LRRC37A: variants seen among roughly 807,000 people sequenced by gnomAD.
LRRC37A encodes leucine rich repeat containing 37A.
Under a neutral mutation model 35.4 loss-of-function variants are expected in LRRC37A, and 3 were observed. The observed-to-expected ratio is 0.08, with a 90% CI of 0.04 to 0.22. The LOEUF is 0.22. Among genes scored for constraint, LRRC37A ranks in the 10% least tolerant of loss-of-function variants. The pLI is 1.00. For synonymous variants in LRRC37A, 23 were observed against 215.0 expected (o/e 0.11, Z 7.81); for missense variants, 67 against 565.3 (o/e 0.12, Z 8.94).
chr17:46,321,357 G>GAAAAAA (rs763727306), intron 5 of LRRC37A, among the ~76,000 whole-genome samples: 1 of 31,356 alleles, frequency 3.2e-5, no homozygotes, highest in Non-Finnish European at 4.3e-5. Context: ...CTCCGTCTCA[G>GAAAAAA]AAAAAAAAAA....
chr17:46,280,411 C>A, the LRRC37A span, among the ~76,000 whole-genome samples: 1 of 152,002 alleles, frequency 6.6e-6, no homozygotes, highest in Admixed American at 6.6e-5. Context: ...CAGTGGCTCA[C>A]GGCTGTAATC....
the LRRC37A span, among the ~76,000 whole-genome samples, chr17:46,259,019 A>ATTTTTTTTTGTTT: frequency 1.3e-5 from 1 of 79,468 alleles, no homozygotes; most frequent in Non-Finnish European, 2.2e-5. Context: ...CACCCGGCCT[A>ATTTTTTTTTGTTT]TTTTTTTTTT....
the LRRC37A span, among the ~76,000 whole-genome samples, chr17:46,285,378 T>C: frequency 1.3e-5 from 2 of 152,116 alleles, no homozygotes; most frequent in East Asian, 1.9e-4. Flanking sequence ...GTAGCTGGGA[T>C]TACAGGCTCA....
the LRRC37A span, among the ~76,000 whole-genome samples, chr17:46,259,019 A>ATTTTTTT: frequency 4.3e-3 from 340 of 79,406 alleles, 83 homozygotes; most frequent in African/African-American, 9.7e-3. Context: ...CACCCGGCCT[A>ATTTTTTT]TTTTTTTTTT....
At chr17:46,252,771 CCG>C in the LRRC37A span, among the ~76,000 whole-genome samples, 2 of 152,194 alleles carry the variant, frequency 1.3e-5, no homozygotes, top group African/African-American at 4.8e-5. Flanking sequence ...CCATGTCTAC[CCG>C]CCTCTACACA....
the LRRC37A span, among the ~76,000 whole-genome samples, chr17:46,266,122 A>G: frequency 6.6e-6 from 1 of 152,220 alleles, no homozygotes; most frequent in Non-Finnish European, 1.5e-5. Flanking sequence ...TAACATACAC[A>G]TTCCAGGATA....
chr17:46,264,963 A>T, the LRRC37A span, among the ~76,000 whole-genome samples: 1 of 152,250 alleles, frequency 6.6e-6, no homozygotes, highest in East Asian at 1.9e-4. Context: ...GACTTAAATA[A>T]AGAGCACGTG....
the LRRC37A span, among the ~76,000 whole-genome samples, chr17:46,265,249 CTTCTTCTTCTT>C: frequency 9.7e-4 from 1 of 1,034 alleles, no homozygotes; most frequent in African/African-American, 2.9e-3. Context: ...AATTTCCTTT[CTTCTTCTTCTT>C]CTTCTTCTTC....
At chr17:46,259,161 C>A in the LRRC37A span, among the ~76,000 whole-genome samples, 1 of 149,740 alleles carries the variant, frequency 6.7e-6, no homozygotes, top group Non-Finnish European at 1.5e-5. Flanking sequence ...GAATTTCTGA[C>A]CCCTTTGGCT....
chr17:46,267,315 G>C, the LRRC37A span: 2 of 1,413,056 alleles, frequency 1.4e-6, no homozygotes, highest in Non-Finnish European at 1.9e-6. Context: ...ACTGTTTTTT[G>C]GAAGCAGCGA....
intron 7 of LRRC37A, among the ~76,000 whole-genome samples, chr17:46,323,915 G>GT (rs1352439981): frequency 1.0e-5 from 1 of 99,006 alleles, no homozygotes; most frequent in East Asian, 2.6e-4. Flanking sequence ...CATTTACACT[G>GT]TATTAGGTAC....
the LRRC37A span, chr17:46,259,461 C>G: frequency 7.1e-7 from 1 of 1,401,112 alleles, no homozygotes; most frequent in Non-Finnish European, 9.9e-7. Context: ...CTTTGGGGGT[C>G]AGATAGTGGC....
At chr17:46,261,908 C>A in the LRRC37A span, among the ~76,000 whole-genome samples, 13 of 152,156 alleles carry the variant, frequency 8.5e-5, no homozygotes, top group East Asian at 2.3e-3. Flanking sequence ...ATGTGCAGAG[C>A]ATACCTCAAA....
the LRRC37A span, among the ~76,000 whole-genome samples, chr17:46,249,127 G>T: frequency 1.3e-5 from 2 of 151,790 alleles, no homozygotes; most frequent in African/African-American, 4.9e-5. Flanking sequence ...CTTTGGTGTC[G>T]GCAGGGGGTC....
the LRRC37A span, among the ~76,000 whole-genome samples, chr17:46,271,914 A>T: frequency 1.3e-5 from 2 of 152,154 alleles, no homozygotes. Flanking sequence ...GGTGTGTGCC[A>T]CTTGTCCAGC....
intron 5 of LRRC37A, among the ~76,000 whole-genome samples, chr17:46,321,363 A>AAG (rs1293851766): frequency 1.5e-5 from 1 of 68,052 alleles, no homozygotes; most frequent in Non-Finnish European, 2.4e-5. Flanking sequence ...CTCAGAAAAA[A>AAG]AAAAAAAAAA....
chr17:46,249,683 G>C, the LRRC37A span, among the ~76,000 whole-genome samples: 1 of 152,210 alleles, frequency 6.6e-6, no homozygotes, highest in Non-Finnish European at 1.5e-5. Flanking sequence ...AGAGACAGGA[G>C]GTGGGGAGCT....
At chr17:46,270,076 A>G in the LRRC37A span, among the ~76,000 whole-genome samples, 1 of 152,252 alleles carries the variant, frequency 6.6e-6, no homozygotes, top group African/African-American at 2.4e-5. Flanking sequence ...TTCAGTTTAT[A>G]AGAAGTACGG....
At chr17:46,267,174 C>T in the LRRC37A span, 3 of 572,952 alleles carry the variant, frequency 5.2e-6, no homozygotes, top group South Asian at 2.4e-5. Context: ...CGCCGCGCCG[C>T]CGCCCCGCGA....
Sources: gnomAD v4.1 joint callset for allele counts (sites outside exome capture counted in the v4.1 genomes callset) on GRCh38, gnomAD v4.1.1 for gene constraint, MANE v1.5 for transcripts, NCBI Gene and HGNC (gene_info 2026-07-23, HGNC 2026-07-21) for gene names.